The following LARP4 variants were observed in gnomAD, a reference collection of about 807,000 sequenced individuals.
LARP4 encodes the protein La ribonucleoprotein 4.
A neutral mutation model predicts 92.9 loss-of-function variants in LARP4; 29 were observed. The ratio of observed to expected loss-of-function variants is 0.31; its 90% CI spans 0.23 to 0.43. The LOEUF (loss-of-function observed/expected upper bound fraction) is 0.43. Ranked by LOEUF, LARP4 falls within the 20% of genes least tolerant of loss-of-function variation. LARP4 has a pLI of 1.00. For synonymous variants in LARP4, 279 were observed against 284.1 expected, an observed-to-expected ratio of 0.98 and a Z score of 0.18; for missense variants, 732 against 860.0, an observed-to-expected ratio of 0.85 and a Z score of 1.86.
chr12:50,460,859 C>T (rs189003289), intron 10 of LARP4, among the ~76,000 whole-genome samples: 109 of 152,214 alleles, frequency 7.2e-4, no homozygotes, highest in Middle Eastern at 3.4e-3. Context: ...AGGAGAATGG[C>T]GTGAACCCGG....
At position 50,415,304 on chromosome 12, in the gene LARP4, G is replaced by C. The variant is rs114497448; in HGVS notation, c.19-12458G>C. Among the ~76,000 whole-genome samples, 1,489 of 152,246 alleles carry C rather than the reference G, an allele frequency of 9.8e-3. 28 individuals carry two copies. The highest frequency in any genetic ancestry group is 0.034 in the African/African-American group (1,424 of 41,562). On this transcript the variant is annotated intron_variant, in intron 1 of 15. Coordinates refer to ENST00000398473, the MANE Select transcript of LARP4 (RefSeq NM_052879.5). Reference sequence around the variant, plus strand: ...AGTACTGCTTATCTTTATGCCATTAGAGTGTAATGTCTTTAGATCTTACAC... The same window carrying C: ...AGTACTGCTTATCTTTATGCCATTACAGTGTAATGTCTTTAGATCTTACAC...
chr12:50,423,006 G>A (rs1948094098), intron 1 of LARP4, among the ~76,000 whole-genome samples: 2 of 151,610 alleles, frequency 1.3e-5, no homozygotes, highest in African/African-American at 2.4e-5. Context: ...GTTTAGTAGC[G>A]ACGGGGTTTC....
chr12:50,449,405 T>G (rs1952749100), intron 8 of LARP4, among the ~76,000 whole-genome samples: 1 of 152,198 alleles, frequency 6.6e-6, no homozygotes, highest in African/African-American at 2.4e-5. Flanking sequence ...TTAACATGAT[T>G]CTCTGTCCTT....
chr12:50,426,720 TGTGTGTGTGTG>T (rs1264347291), intron 1 of LARP4, among the ~76,000 whole-genome samples: 1 of 139,288 alleles, frequency 7.2e-6, no homozygotes, highest in African/African-American at 2.9e-5. Context: ...TGTGTGTGTG[TGTGTGTGTGTG>T]GTTTTTTTTT....
intron 4 of LARP4, among the ~76,000 whole-genome samples, chr12:50,431,139 G>A (rs1415325514): frequency 6.6e-6 from 1 of 152,000 alleles, no homozygotes; most frequent in Non-Finnish European, 1.5e-5. Context: ...ATGGTGGTGC[G>A]TGCCTGTAAT....
intron 11 of LARP4, 193 bp downstream of exon 11, chr12:50,461,540 T>C (rs1382221728): frequency 1.7e-6 from 1 of 576,676 alleles, no homozygotes; most frequent in Non-Finnish European, 2.9e-6. Flanking sequence ...CCATACAGAA[T>C]ATAGCTCTGA....
In LARP4 at chr12:50,475,555, G is replaced by T; in HGVS notation, c.1866G>T (p.Val622=). The T allele has an allele frequency of 6.2e-7, 1 of 1,613,662 alleles. No homozygotes were observed. Among genetic ancestry groups the T allele is most frequent in the Non-Finnish European group, 8.5e-7 (1 of 1,179,848 alleles). The part of the protein sequence containing the change: ...QEPRKLSYAE[V]CQKPPKEPSS... ...CCCGAAAGTTAAGTTATGCTGAAGT[G>T]TGCCAGAAGCCCCCTAAAGAGCCAT... is the stretch of plus-strand genomic sequence containing the variant. Residue 622 remains valine (V), a synonymous_variant, in exon 16 of 16, where the codon GTG becomes GTT. Transcript: ENST00000398473.
At chr12:50,458,552 C>G (rs1954765289) in intron 10 of LARP4, among the ~76,000 whole-genome samples, 1 of 152,124 alleles carries the variant, frequency 6.6e-6, no homozygotes, top group South Asian at 2.1e-4. Flanking sequence ...GTTTTAAATC[C>G]TTATTCCTAG....
intron 10 of LARP4, 136 bp downstream of exon 10, chr12:50,454,553 A>G (rs1051523422): frequency 5.1e-6 from 3 of 588,890 alleles, no homozygotes; most frequent in Non-Finnish European, 5.7e-6. Flanking sequence ...TACTAAGTGT[A>G]TATGAACAGT....
chr12:50,437,537 G>C (rs539616670), intron 5 of LARP4, among the ~76,000 whole-genome samples, 198 bp from the exon 6 acceptor site: 3 of 152,222 alleles, frequency 2.0e-5, no homozygotes, highest in East Asian at 3.9e-4. Context: ...AATAACATTT[G>C]ACAGTGTTCT....
rs140251877 is a variant in LARP4, at chr12:50,403,447, A to G, written c.18+2419A>G. On this transcript the variant is annotated intron_variant, in intron 1 of 15. Transcript: ENST00000398473. ...GAAATATTTATGCTCATTACTTGCT[A>G]TATGTCAAAAATATTGTTAACGTAT... 4.0e-3 allele frequency among the ~76,000 whole-genome samples: 616 copies of G among 152,362 alleles called. 5 individuals are homozygous for G. Among genetic ancestry groups the G allele is most frequent in the African/African-American group, 0.014 (578 of 41,586 alleles).
At chr12:50,443,154 C>G (rs1951485547) in intron 8 of LARP4, among the ~76,000 whole-genome samples, 1 of 152,138 alleles carries the variant, frequency 6.6e-6, no homozygotes, top group African/African-American at 2.4e-5. Context: ...TATTTCAACA[C>G]TTAATTTTTT....
chr12:50,472,540 G>C (rs1957043770), intron 13 of LARP4, among the ~76,000 whole-genome samples: 1 of 148,938 alleles, frequency 6.7e-6, no homozygotes, highest in African/African-American at 2.5e-5. Flanking sequence ...TTTTTTTTGA[G>C]ACACGGTCTT....
intron 1 of LARP4, chr12:50,420,833 A>G (rs915443554): frequency 6.6e-6 from 1 of 152,188 alleles, no homozygotes; most frequent in Non-Finnish European, 1.5e-5. Flanking sequence ...AGAAAGAACG[A>G]TGAACAAAGA....
chr12:50,468,348 C>T (rs1379242863), intron 13 of LARP4, among the ~76,000 whole-genome samples: 1 of 149,156 alleles, frequency 6.7e-6, no homozygotes. Context: ...GGCTGGAGTA[C>T]ATTGGTGCGA....
chr12:50,414,931 A>AC (rs1419250975), intron 1 of LARP4, among the ~76,000 whole-genome samples: 1 of 152,124 alleles, frequency 6.6e-6, no homozygotes, highest in Non-Finnish European at 1.5e-5. Flanking sequence ...TTGGCCTGGT[A>AC]CAGTGGCTCA....
At chr12:50,426,687 GTGTGTGTGTGTGTGTGTGT>G (rs1565986417) in intron 1 of LARP4, among the ~76,000 whole-genome samples, 958 of 81,028 alleles carry the variant, frequency 0.012, 27 homozygotes, top group African/African-American at 0.04. Flanking sequence ...TGTTTGGGGT[GTGTGTGTGTGTGTGTGTGT>G]GTGTGTGTGT....
At chr12:50,473,710 A>G (rs1957193012) in intron 14 of LARP4, among the ~76,000 whole-genome samples, 174 bp downstream of exon 14, 1 of 149,438 alleles carries the variant, frequency 6.7e-6, no homozygotes, top group Admixed American at 6.7e-5. Context: ...TACTAAAAAT[A>G]CAAAAATTAG....
chr12:50,454,252 T>A, intron 9 of LARP4, 62 bp from the exon 10 acceptor site: 1 of 1,223,486 alleles, frequency 8.2e-7, no homozygotes, highest in Non-Finnish European at 1.2e-6. Context: ...AAGGTTCTTG[T>A]GACCCTCACA....
Sources: gnomAD v4.1 joint callset for allele counts (sites outside exome capture counted in the v4.1 genomes callset) on GRCh38, gnomAD v4.1.1 for gene constraint, MANE v1.5 for transcripts, NCBI Gene and HGNC (gene_info 2026-07-23, HGNC 2026-07-21) for gene names.